The following TIMELESS variants were observed in gnomAD, a reference collection of about 807,000 sequenced individuals.
The protein encoded by TIMELESS is timeless circadian regulator, also known as protein timeless homolog.
A neutral mutation model predicts 164.3 loss-of-function variants in TIMELESS; 124 were observed. The observed-to-expected ratio is 0.75, with a 90% CI of 0.65 to 0.88. The LOEUF is 0.88. TIMELESS is among the 40% of genes least tolerant of loss of function. The pLI, the probability that TIMELESS is intolerant of heterozygous loss-of-function variation, is 0.00. For synonymous variants in TIMELESS, 564 were observed against 563.4 expected (o/e 1.00, Z -0.02); for missense variants, 1,422 against 1,491.4 (o/e 0.95, Z 0.77).
intron 1 of TIMELESS, among the ~76,000 whole-genome samples, chr12:56,444,044 C>T (rs1055187225): frequency 3.3e-4 from 50 of 151,906 alleles, no homozygotes; most frequent in Admixed American, 2.5e-3. Flanking sequence ...ATTACAGGTG[C>T]CCGCCACCAC....
chr12:56,437,295 A>G (rs1277894997), intron 1 of TIMELESS, among the ~76,000 whole-genome samples: 1 of 152,242 alleles, frequency 6.6e-6, no homozygotes, highest in African/African-American at 2.4e-5. Flanking sequence ...CCTTTGAAAC[A>G]GTAAACTGAT....
At position 56,420,068 on chromosome 12, in the gene TIMELESS, GTGTATA is replaced by G. The variant is rs1483378619; in HGVS notation, c.3228+495_3228+500del. ...TATATATGTGTGTGTGTGTGTGTGT[GTGTATA>G]TATATATATATAAATAAAATGTATA... On this transcript the variant is annotated intron_variant, in intron 26 of 28. Coordinates refer to ENST00000553532, the MANE Select transcript of TIMELESS (RefSeq NM_003920.5). Among the ~76,000 whole-genome samples the G allele has an allele frequency of 4.2e-4, 38 of 89,604 alleles. 1 individual carries two copies. The highest frequency in any genetic ancestry group is 8.9e-4 in the African/African-American group (21 of 23,722). The allele number at this position is 89,604 out of a possible 152,430, so 58.8% of individuals were successfully genotyped here. A position where few individuals can be genotyped will look rare whatever the true frequency, so the allele number is the denominator to read the frequency against.
intron 1 of TIMELESS, among the ~76,000 whole-genome samples, chr12:56,440,246 C>T (rs1868254732): frequency 6.7e-6 from 1 of 148,244 alleles, no homozygotes; most frequent in Non-Finnish European, 1.5e-5. Context: ...TCAAGCAACT[C>T]TTCTGCCTCA....
At chr12:56,431,741 G>C in intron 7 of TIMELESS, 137 bp from the exon 8 acceptor site, 1 of 1,088,444 alleles carries the variant, frequency 9.2e-7, no homozygotes, top group Non-Finnish European at 1.2e-6. Context: ...CCTTATCTGA[G>C]GGGGAAATGT....
chr12:56,432,383 T>C lies in TIMELESS; in HGVS notation c.673A>G (p.Met225Val). The C allele has an allele frequency of 6.2e-7, 1 of 1,613,756 alleles. No individual in the cohort carries two copies. Among genetic ancestry groups the C allele is most frequent in the Non-Finnish European group, 8.5e-7 (1 of 1,179,750 alleles). The change falls in exon 7 of 29, where the codon ATG (methionine) becomes GTG (valine). Residue 225 changes from methionine to valine, a missense_variant. Met to Val is a conservative substitution (Grantham distance 21, BLOSUM62 1). Coordinates refer to ENST00000553532, the MANE Select transcript of TIMELESS (RefSeq NM_003920.5). ...CAGGGTCTCACCTGGTCACGAAACA[T>C]AAGGGAGACAATCTCTAGCACATGT... ...SLHVLEIVSL[M>V]FRDQNPEQLA...
chr12:56,420,068 GTGTATATA>G (rs1256887131), intron 26 of TIMELESS, among the ~76,000 whole-genome samples: 4 of 89,612 alleles, frequency 4.5e-5, no homozygotes, highest in Non-Finnish European at 9.4e-5. Context: ...GTGTGTGTGT[GTGTATATA>G]TATATATATA....
At position 56,416,621 on chromosome 12, in the gene TIMELESS, T is replaced by C. The variant is rs1000475527; in HGVS notation, c.*1095A>G. On this transcript the variant is annotated 3_prime_UTR_variant, in exon 29 of 29. Coordinates refer to ENST00000553532, the MANE Select transcript of TIMELESS (RefSeq NM_003920.5). ...CCTCCTTCTTCCTGCCGCATACTCT[T>C]GTCACCCTAAGAATTTACCCTAGAC... 3 of 152,196 alleles carry C rather than the reference T, an allele frequency of 2.0e-5. No individual in the cohort carries two copies. The highest frequency in any genetic ancestry group is 4.4e-5 in the Non-Finnish European group (3 of 68,032). The allele number at this position is 152,196 out of a possible 1,614,324, so 9.4% of individuals were successfully genotyped here. A position where few individuals can be genotyped will look rare whatever the true frequency, so the allele number is the denominator to read the frequency against.
chr12:56,429,096 T>G lies in TIMELESS; in HGVS notation c.1091A>C (p.His364Pro). The change falls in exon 11 of 29, where the codon CAC becomes CCC. Residue 364 changes from histidine to proline, a missense_variant. Transcript: ENST00000553532. ...CTGCTGAGCTTTCTCCCGAAGCAGG[T>G]GATCCTGACATTTAAAAAAGAAAAA... ...YNRLMGSVKD[H>P]LLREKAQQHD... 6.2e-7 allele frequency: 1 copy of G among 1,612,574 alleles called. No homozygotes were observed. Among genetic ancestry groups the G allele is most frequent in the Non-Finnish European group, 8.5e-7 (1 of 1,179,676 alleles).
At chr12:56,420,027 A>AAAAAAAAAT (rs1881405760) in intron 26 of TIMELESS, among the ~76,000 whole-genome samples, 1 of 85,848 alleles carries the variant, frequency 1.2e-5, no homozygotes, top group Non-Finnish European at 2.1e-5. Flanking sequence ...AAAAAAAAAA[A>AAAAAAAAAT]AAATATATAT....
intron 8 of TIMELESS, 106 bp downstream of exon 8, chr12:56,431,365 A>C (rs1043006179): frequency 4.0e-5 from 56 of 1,403,116 alleles, no homozygotes; most frequent in Non-Finnish European, 4.7e-5. Flanking sequence ...AAAAAAAAAA[A>C]AAAAAAACAC....
At chr12:56,428,070 G>A (rs1881732390) in intron 13 of TIMELESS, among the ~76,000 whole-genome samples, 166 bp downstream of exon 13, 1 of 152,180 alleles carries the variant, frequency 6.6e-6, no homozygotes, top group African/African-American at 2.4e-5. Flanking sequence ...ATGGGAGAAG[G>A]AAACTGTAGT....
intron 1 of TIMELESS, among the ~76,000 whole-genome samples, chr12:56,443,128 G>A (rs1200878835): frequency 6.6e-6 from 1 of 152,164 alleles, no homozygotes; most frequent in Non-Finnish European, 1.5e-5. Flanking sequence ...AACAAGGAAA[G>A]ATACCATAAG....
Position 56,422,959 on chromosome 12 carries a change from T to C in TIMELESS, c.2326A>G (p.Lys776Glu). 6.2e-7 allele frequency: 1 copy of C among 1,613,982 alleles called. No homozygotes were observed. The highest frequency in any genetic ancestry group is 8.5e-7 in the Non-Finnish European group (1 of 1,179,994). ...LVTFAKYILG[K>E]FFALAAVNQK... ...TTGACTGCAGCCAGTGCAAAAAATTTGCCCAGGATGTATTTGGCAAAAGTC... is the reference window on the plus strand; with the variant it reads ...TTGACTGCAGCCAGTGCAAAAAATTCGCCCAGGATGTATTTGGCAAAAGTC... The change falls in exon 19 of 29, where the codon AAA becomes GAA. Residue 776 changes from lysine (K) to glutamate (E), a missense_variant. Physicochemically the swap from Lys to Glu is moderately conservative, Grantham distance 56. Transcript: ENST00000553532.
intron 13 of TIMELESS, among the ~76,000 whole-genome samples, chr12:56,427,499 C>A (rs543571649): frequency 6.6e-6 from 1 of 152,254 alleles, no homozygotes; most frequent in African/African-American, 2.4e-5. Flanking sequence ...ATCTGGAGAC[C>A]GACACGACCA....
At chr12:56,438,717 G>A (rs1263615142) in intron 1 of TIMELESS, among the ~76,000 whole-genome samples, 2 of 139,648 alleles carry the variant, frequency 1.4e-5, no homozygotes, top group African/African-American at 2.7e-5. Flanking sequence ...GGTGGAGGCT[G>A]CAATGGGCTG....
At chr12:56,434,629 C>T (rs1882010060) in intron 1 of TIMELESS, among the ~76,000 whole-genome samples, 3 of 152,128 alleles carry the variant, frequency 2.0e-5, no homozygotes, top group Admixed American at 6.5e-5. Flanking sequence ...CCCAGCTACT[C>T]GGAAGGCTGA....
chr12:56,433,872 A>C lies in TIMELESS; in HGVS notation c.152T>G (p.Val51Gly), dbSNP rs1232285282. The change falls in exon 3 of 29, where the codon GTG becomes GGG. Residue 51 changes from valine (V) to glycine (G), a missense_variant. Coordinates refer to ENST00000553532, the MANE Select transcript of TIMELESS (RefSeq NM_003920.5). ...YLRHEDETRDVRQQLGAAQIL... is the reference protein window; with the variant it reads ...YLRHEDETRDGRQQLGAAQIL... ...CTGGGCTGCCCCCAGCTGCTGCCGCACATCTCGTGTCTCATCCTCATGCCT... is the reference window on the plus strand; with the variant it reads ...CTGGGCTGCCCCCAGCTGCTGCCGCCCATCTCGTGTCTCATCCTCATGCCT... 2 of 1,614,170 alleles carry C rather than the reference A, an allele frequency of 1.2e-6. No individual in the cohort carries two copies. The highest frequency in any genetic ancestry group is 1.7e-6 in the Non-Finnish European group (2 of 1,180,028).
chr12:56,418,017 A>C lies in TIMELESS; in HGVS notation c.3455-9T>G. 6.2e-7 allele frequency: 1 copy of C among 1,614,126 alleles called. No homozygotes were observed. Among genetic ancestry groups the C allele is most frequent in the Non-Finnish European group, 8.5e-7 (1 of 1,180,016 alleles). On this transcript the variant is annotated splice_polypyrimidine_tract_variant and intron_variant, in intron 27 of 28. Coordinates refer to ENST00000553532, the MANE Select transcript of TIMELESS (RefSeq NM_003920.5). ...ACCAACAGCGTCTTCCTCTGCAATG[A>C]CCATAAATGACACAAAATTAGGAAC... is the stretch of plus-strand genomic sequence containing the variant.
Position 56,430,247 on chromosome 12 carries a change from G to A in TIMELESS, c.944C>T (p.Pro315Leu), listed in dbSNP as rs368554616. ...CTGGCGACGTTTAGGCACCTTTTTCGGCTGCTTTCCCAAATCTGAACTGTA... is the reference window on the plus strand; with the variant it reads ...CTGGCGACGTTTAGGCACCTTTTTCAGCTGCTTTCCCAAATCTGAACTGTA... Reference protein sequence around the residue: ...RNYSSDLGKQPKKVPKRRQAA... With the variant: ...RNYSSDLGKQLKKVPKRRQAA... The change falls in exon 10 of 29, where the codon CCG becomes CTG. Residue 315 changes from proline (P) to leucine (L), a missense_variant. By Grantham distance (98) the Pro-to-Leu change is moderately conservative. Transcript: ENST00000553532. 26 of 1,613,534 alleles carry A rather than the reference G, an allele frequency of 1.6e-5. No homozygotes were observed. Among genetic ancestry groups the A allele is most frequent in the African/African-American group, 1.2e-4 (9 of 74,876 alleles).
Sources: gnomAD v4.1 joint callset for allele counts (sites outside exome capture counted in the v4.1 genomes callset) on GRCh38, gnomAD v4.1.1 for gene constraint, MANE v1.5 for transcripts, NCBI Gene and HGNC (gene_info 2026-07-23, HGNC 2026-07-21) for gene names.